AGAP1: variants seen among roughly 807,000 people sequenced by gnomAD.
AGAP1 encodes ArfGAP with GTPase domain, ankyrin repeat and PH domain 1, also known as arf-GAP with GTPase, ANK repeat and PH domain-containing protein 1.
A neutral mutation model predicts 105.3 loss-of-function variants in AGAP1; 29 were observed. The ratio of observed to expected loss-of-function variants is 0.28; its 90% CI spans 0.21 to 0.38. The LOEUF (loss-of-function observed/expected upper bound fraction) is 0.38, where lower values mean the gene tolerates loss of function less well. Ranked by LOEUF, AGAP1 falls within the 10% of genes least tolerant of loss-of-function variation. AGAP1 has a pLI of 1.00. For missense variants in AGAP1, 998 were observed against 1,165.1 expected (o/e 0.86, Z 2.09); for synonymous variants, 509 against 485.9 (o/e 1.05, Z -0.63).
intron 9 of AGAP1, among the ~76,000 whole-genome samples, chr2:235,833,313 A>C (rs1236151155): frequency 6.6e-6 from 1 of 152,254 alleles, no homozygotes; most frequent in Non-Finnish European, 1.5e-5. Flanking sequence ...GGGACAGGGC[A>C]GGATTATTTT....
At chr2:235,770,991 G>A (rs1480182064) in intron 6 of AGAP1, among the ~76,000 whole-genome samples, 3 of 152,152 alleles carry the variant, frequency 2.0e-5, no homozygotes, top group Admixed American at 2.0e-4. Flanking sequence ...TAATAGGGAG[G>A]GAGAAGGGTC....
rs919303146 is a variant in AGAP1 at position 235,777,789 on chromosome 2, G to A, written c.674-19970G>A. ...GACGTTAACGAATGATGGCTGTGAT[G>A]TAATTGACTCAGTTGACACATACAG... is the stretch of plus-strand genomic sequence containing the variant. On this transcript the variant is annotated intron_variant, in intron 6 of 17. Transcript: ENST00000304032. The surrounding 1 kb of genome is among the most constrained non-coding windows in gnomAD (Gnocchi z 5.1). 1.3e-5 allele frequency among the ~76,000 whole-genome samples: 2 copies of A among 152,224 alleles called. No individual in the cohort carries two copies. Among genetic ancestry groups the A allele is most frequent in the African/African-American group, 4.8e-5 (2 of 41,464 alleles).
intron 1 of AGAP1, among the ~76,000 whole-genome samples, chr2:235,656,053 C>T (rs1358117797): frequency 6.6e-6 from 1 of 152,204 alleles, no homozygotes; most frequent in Non-Finnish European, 1.5e-5. Flanking sequence ...TTTCTTCCTT[C>T]CCTGCAAGGG....
intron 1 of AGAP1, among the ~76,000 whole-genome samples, chr2:235,702,828 T>C (rs2149483397): frequency 6.6e-6 from 1 of 151,974 alleles, no homozygotes; most frequent in South Asian, 2.1e-4. Context: ...TTTTATGTGG[T>C]TTGATGGAAT....
Position 235,976,302 on chromosome 2 carries a change from A to T in AGAP1, c.1645+7679A>T, listed in dbSNP as rs1300625591. Among the ~76,000 whole-genome samples, 1 of 152,142 alleles carries T rather than the reference A, an allele frequency of 6.6e-6. No homozygotes were observed. Among genetic ancestry groups the T allele is most frequent in the African/African-American group, 2.4e-5 (1 of 41,420 alleles). ...GAAATTGAGTAGATCATCTGGGTTTACTCTAGACATTGACATTGTAGATTG... is the reference window on the plus strand; with the variant it reads ...GAAATTGAGTAGATCATCTGGGTTTTCTCTAGACATTGACATTGTAGATTG... On this transcript the variant is annotated intron_variant, in intron 13 of 17. Transcript: ENST00000304032. The surrounding 1 kb of genome is among the most constrained non-coding windows in gnomAD (Gnocchi z 4.5).
In AGAP1 at chr2:235,750,392, G is replaced by T; in HGVS notation, c.577G>T (p.Ala193Ser). The change falls in exon 6 of 18, where the codon GCC becomes TCC. Residue 193 changes from alanine (A) to serine (S), a missense_variant. This residue lies in a region of AGAP1 where 735 missense variants were observed against 833.4 expected (regional missense o/e 0.88). Transcript: ENST00000304032. This position sits in a 1 kb window ranked among gnomAD's most constrained non-coding sequence, Gnocchi z 5.3. Reference sequence around the variant, plus strand: ...TGCTAACCCGAGGGTCATCGATGACGCCAGGGCGAGGAAGCTCTCCAACGA... The same window carrying T: ...TGCTAACCCGAGGGTCATCGATGACTCCAGGGCGAGGAAGCTCTCCAACGA... Reference protein sequence around the residue: ...SSANPRVIDDARARKLSNDLK... With the variant: ...SSANPRVIDDSRARKLSNDLK... The T allele has an allele frequency of 6.2e-7, 1 of 1,614,184 alleles. No homozygotes were observed. The highest frequency in any genetic ancestry group is 8.5e-7 in the Non-Finnish European group (1 of 1,180,032).
intron 1 of AGAP1, among the ~76,000 whole-genome samples, chr2:235,579,263 G>A (rs1254653049): frequency 6.6e-6 from 1 of 152,166 alleles, no homozygotes; most frequent in African/African-American, 2.4e-5. Flanking sequence ...AGTTTACCAG[G>A]CGACACTTTT....
At chr2:235,514,649 T>C (rs886247882) in intron 1 of AGAP1, among the ~76,000 whole-genome samples, 5 of 152,256 alleles carry the variant, frequency 3.3e-5, no homozygotes, top group Admixed American at 3.3e-4. Flanking sequence ...CCAAGGCCAT[T>C]CCGATGGCTC....
rs533374349 is a variant in AGAP1 at position 236,128,084 on chromosome 2, C to CA, written c.*3962_*3963insA. 2.0e-5 allele frequency: 3 copies of CA among 151,728 alleles called. No individual in the cohort carries two copies. The highest frequency in any genetic ancestry group is 2.0e-4 in the Admixed American group (3 of 15,232). 9.4% of individuals were successfully genotyped at this position (151,728 alleles called of 1,614,324 possible). ...ATGGGCACGTTTGCCAACCCCCCCC[C>CA]CCCAGTAGAGCCCAGGACCCTCCTC... On this transcript the variant is annotated 3_prime_UTR_variant, in exon 18 of 18. Transcript: ENST00000304032. This position sits in a 1 kb window ranked among gnomAD's most constrained non-coding sequence, Gnocchi z 5.9.
At chr2:236,024,995 C>T (rs960952758) in intron 13 of AGAP1, among the ~76,000 whole-genome samples, 1 of 152,236 alleles carries the variant, frequency 6.6e-6, no homozygotes, top group African/African-American at 2.4e-5. Flanking sequence ...AGTACACCGT[C>T]TGTTACTTCA....
At chr2:235,837,292 G>GTT (rs201159113) in intron 9 of AGAP1, among the ~76,000 whole-genome samples, 6 of 151,512 alleles carry the variant, frequency 4.0e-5, no homozygotes, top group African/African-American at 9.7e-5. Flanking sequence ...GCCTTCAAGG[G>GTT]TTTTTTTTTG....
intron 1 of AGAP1, among the ~76,000 whole-genome samples, chr2:235,505,014 G>A (rs1460012568): frequency 6.6e-6 from 1 of 152,140 alleles, no homozygotes; most frequent in Non-Finnish European, 1.5e-5. Flanking sequence ...CTTGGCTCCT[G>A]GCAGAAGTCA....
rs2052050987 is a variant in AGAP1, at chr2:235,919,238, C to T, written c.1324+10332C>T. On this transcript the variant is annotated intron_variant, in intron 11 of 17. Transcript: ENST00000304032. The surrounding 1 kb of genome is among the most constrained non-coding windows in gnomAD (Gnocchi z 4.1). ...AGGCCTTGGGAAAGGGCTTCTGGTTCTTCCAGGCTAGAGTTGAGTCCGTGG... is the reference window on the plus strand; with the variant it reads ...AGGCCTTGGGAAAGGGCTTCTGGTTTTTCCAGGCTAGAGTTGAGTCCGTGG... Among the ~76,000 whole-genome samples the T allele has an allele frequency of 1.3e-5, 2 of 152,208 alleles. No individual in the cohort carries two copies. The highest frequency in any genetic ancestry group is 1.3e-4 in the Admixed American group (2 of 15,286).
At chr2:235,819,362 A>G (rs1575548582) in intron 9 of AGAP1, among the ~76,000 whole-genome samples, 1 of 149,910 alleles carries the variant, frequency 6.7e-6, no homozygotes, top group Admixed American at 6.6e-5. Flanking sequence ...CAATCCACCC[A>G]CCTCCACCTC....
chr2:235,619,299 C>G (rs563974924), intron 1 of AGAP1, among the ~76,000 whole-genome samples: 6 of 152,112 alleles, frequency 3.9e-5, no homozygotes, highest in Non-Finnish European at 7.3e-5. Flanking sequence ...AATGATTTGC[C>G]CGAGTTCACA....
chr2:235,881,665 G>A (rs142497251), intron 9 of AGAP1, among the ~76,000 whole-genome samples: 1 of 152,274 alleles, frequency 6.6e-6, no homozygotes, highest in Non-Finnish European at 1.5e-5. Flanking sequence ...CAAGGTGTGG[G>A]GCCTGCCCAA....
intron 8 of AGAP1, among the ~76,000 whole-genome samples, chr2:235,806,631 T>C (rs1482639524): frequency 2.6e-5 from 4 of 152,206 alleles, no homozygotes; most frequent in Non-Finnish European, 5.9e-5. Flanking sequence ...TGACCTTTCG[T>C]CCAAAGGCGA....
intron 9 of AGAP1, among the ~76,000 whole-genome samples, chr2:235,840,258 T>C (rs1361254154): frequency 6.7e-6 from 1 of 149,376 alleles, no homozygotes; most frequent in Non-Finnish European, 1.5e-5. Context: ...CTTCAGCCGC[T>C]GTCCATTCTG....
rs1478514208 is a variant in AGAP1, at chr2:236,113,205, A to G, written c.2115-6987A>G. On this transcript the variant is annotated intron_variant, in intron 16 of 17. Coordinates refer to ENST00000304032, the MANE Select transcript of AGAP1 (RefSeq NM_001037131.3). This position sits in a 1 kb window ranked among gnomAD's most constrained non-coding sequence, Gnocchi z 4.3. The stretch of plus-strand genomic sequence containing the variant: ...GCCCAGGCTGGAGTGCAGTGGTGCA[A>G]TCTCAACTCACTGCAACCTCCGCCT... Among the ~76,000 whole-genome samples, 5 of 152,150 alleles carry G rather than the reference A, an allele frequency of 3.3e-5. No homozygotes were observed. Among genetic ancestry groups the G allele is most frequent in the African/African-American group, 9.7e-5 (4 of 41,432 alleles).
Sources: allele counts gnomAD v4.1 joint callset (sites outside exome capture counted in the v4.1 genomes callset), GRCh38; gene constraint gnomAD v4.1.1; regional missense constraint gnomAD v4.1.1; non-coding constraint Gnocchi (gnomAD v3.1); transcripts MANE v1.5; gene names NCBI Gene and HGNC (gene_info 2026-07-23, HGNC 2026-07-21).